Variants in ZBTB16 observed in about 807,000 individuals in gnomAD.
The protein encoded by ZBTB16 is zinc finger and BTB domain containing 16.
Under a neutral mutation model 56.8 loss-of-function variants are expected in ZBTB16, and 8 were observed. The ratio of observed to expected loss-of-function variants is 0.14; its 90% CI spans 0.08 to 0.25. The LOEUF is 0.25. Among genes scored for constraint, ZBTB16 ranks in the 10% least tolerant of loss-of-function variants. The pLI, the probability that ZBTB16 is intolerant of heterozygous loss-of-function variation, is 1.00. For synonymous variants in ZBTB16, 363 were observed against 368.5 expected, an observed-to-expected ratio of 0.98 and a Z score of 0.17; for missense variants, 625 against 903.0, an observed-to-expected ratio of 0.69 and a Z score of 3.95.
At chr11:114,235,685 T>TCTTC (rs1944561572) in intron 4 of ZBTB16, among the ~76,000 whole-genome samples, 1 of 26,126 alleles carries the variant, frequency 3.8e-5, no homozygotes, top group African/African-American at 9.1e-5. Context: ...TTTCTTTCTT[T>TCTTC]CTTTCTTTTC....
chr11:114,223,127 A>AGCC (rs981014022), intron 4 of ZBTB16, among the ~76,000 whole-genome samples: 1 of 152,196 alleles, frequency 6.6e-6, no homozygotes, highest in African/African-American at 2.4e-5. Context: ...ACAGAGTGAT[A>AGCC]GCCGTTCTGC....
chr11:114,137,269 C>G (rs7925183), intron 2 of ZBTB16, among the ~76,000 whole-genome samples: 26,966 of 152,052 alleles, frequency 0.18, 2,905 homozygotes, highest in African/African-American at 0.27. Flanking sequence ...ACTTCATTGT[C>G]GTGATTAAGG....
At position 114,254,166 on chromosome 11, in the gene ZBTB16, A is replaced by AATATATAG. The variant is rs1021276567; in HGVS notation, c.*3627_*3634dup. On this transcript the variant is annotated 3_prime_UTR_variant, in exon 7 of 7. Transcript: ENST00000335953. ...ATCCTATGTATATATAGGATAGACA[A>AATATATAG]ATATATAGATATATAGATATATATA... Among the ~76,000 whole-genome samples the AATATATAG allele has an allele frequency of 2.4e-4, 37 of 151,468 alleles. No homozygotes were observed. Among genetic ancestry groups the AATATATAG allele is most frequent in the Non-Finnish European group, 2.7e-4 (18 of 67,744 alleles).
intron 2 of ZBTB16, among the ~76,000 whole-genome samples, chr11:114,137,950 T>G (rs1941839624): frequency 6.6e-6 from 1 of 152,158 alleles, no homozygotes; most frequent in African/African-American, 2.4e-5. Flanking sequence ...AGAGGACCGC[T>G]CAGGCAGGTG....
chr11:114,110,548 G>A (rs990837691), intron 2 of ZBTB16, among the ~76,000 whole-genome samples: 8 of 152,154 alleles, frequency 5.3e-5, no homozygotes, highest in South Asian at 2.1e-4. Context: ...GTGAGACCTC[G>A]GGAATAGGAA....
chr11:114,095,002 C>T (rs1940328102), intron 2 of ZBTB16, among the ~76,000 whole-genome samples: 1 of 152,258 alleles, frequency 6.6e-6, no homozygotes, highest in Admixed American at 6.5e-5. Context: ...AGCTGGGGGC[C>T]TGTCTGCATG....
At chr11:114,148,772 C>T (rs1192668765) in intron 2 of ZBTB16, among the ~76,000 whole-genome samples, 8 of 151,794 alleles carry the variant, frequency 5.3e-5, no homozygotes, top group Admixed American at 2.0e-4. Context: ...GGATTATAGG[C>T]GTGAGCCACC....
chr11:114,162,175 A>G (rs1283757114), intron 3 of ZBTB16, among the ~76,000 whole-genome samples: 1 of 152,246 alleles, frequency 6.6e-6, no homozygotes, highest in Non-Finnish European at 1.5e-5. Flanking sequence ...CCTGGCAGGG[A>G]AAAGGGCTGG....
At chr11:114,141,495 A>G (rs147063619) in intron 2 of ZBTB16, among the ~76,000 whole-genome samples, 22 of 152,306 alleles carry the variant, frequency 1.4e-4, no homozygotes, top group Admixed American at 1.2e-3. Context: ...TTAGTCTTAC[A>G]CTAGCTACAC....
chr11:114,157,651 T>C (rs1035275583), intron 3 of ZBTB16, among the ~76,000 whole-genome samples: 1 of 152,202 alleles, frequency 6.6e-6, no homozygotes, highest in Non-Finnish European at 1.5e-5. Context: ...TTTTTCTGCT[T>C]CAGCTCCCCA....
chr11:114,089,901 G>A (rs1940121764), intron 2 of ZBTB16, among the ~76,000 whole-genome samples: 1 of 152,200 alleles, frequency 6.6e-6, no homozygotes, highest in South Asian at 2.1e-4. Flanking sequence ...AGCACATGTG[G>A]GTCTCTGCCC....
chr11:114,176,575 C>T (rs990059005), intron 3 of ZBTB16, among the ~76,000 whole-genome samples: 5 of 152,204 alleles, frequency 3.3e-5, no homozygotes, highest in South Asian at 2.1e-4. Flanking sequence ...ACCCAGCCCT[C>T]GCTTGGTCTC....
intron 4 of ZBTB16, among the ~76,000 whole-genome samples, chr11:114,198,364 A>G (rs1191315882): frequency 6.6e-6 from 1 of 150,570 alleles, no homozygotes; most frequent in Non-Finnish European, 1.5e-5. Flanking sequence ...TGTTACTATA[A>G]AGGCATGTTT....
chr11:114,117,107 G>A (rs991781955), intron 2 of ZBTB16, among the ~76,000 whole-genome samples: 7 of 152,154 alleles, frequency 4.6e-5, no homozygotes, highest in Non-Finnish European at 1.0e-4. Context: ...AGACCAGAGG[G>A]AAAGGCATTC....
intron 2 of ZBTB16, among the ~76,000 whole-genome samples, chr11:114,116,060 T>G (rs1941164775): frequency 6.6e-6 from 1 of 152,226 alleles, no homozygotes. Context: ...AATTTTCATT[T>G]CAAGCTTCAA....
chr11:114,095,270 T>G (rs1296549500), intron 2 of ZBTB16, among the ~76,000 whole-genome samples: 1 of 142,250 alleles, frequency 7.0e-6, no homozygotes. Flanking sequence ...TTTTTTTTTT[T>G]TGTGATGGAG....
intron 4 of ZBTB16, among the ~76,000 whole-genome samples, chr11:114,217,873 C>T (rs1944141809): frequency 6.6e-6 from 1 of 152,194 alleles, no homozygotes; most frequent in Non-Finnish European, 1.5e-5. Context: ...CATGGGACCT[C>T]AGGTGCAGAG....
At chr11:114,216,335 C>G (rs1944093215) in intron 4 of ZBTB16, among the ~76,000 whole-genome samples, 4 of 152,210 alleles carry the variant, frequency 2.6e-5, no homozygotes, top group Admixed American at 2.6e-4. Context: ...CTGAGTCTTA[C>G]CTCTGCTGGC....
intron 2 of ZBTB16, among the ~76,000 whole-genome samples, chr11:114,133,810 C>A (rs1409255636): frequency 1.3e-5 from 2 of 152,200 alleles, no homozygotes; most frequent in African/African-American, 4.8e-5. Flanking sequence ...CCTCAGAGAC[C>A]TATTACGACT....
Sources: allele counts gnomAD v4.1 joint callset (sites outside exome capture counted in the v4.1 genomes callset), GRCh38; gene constraint gnomAD v4.1.1; transcripts MANE v1.5; gene names NCBI Gene and HGNC (gene_info 2026-07-23, HGNC 2026-07-21).